ATG4B: variants seen among roughly 807,000 people sequenced by gnomAD.
ATG4B encodes the protein autophagy related 4B cysteine peptidase, also known as cysteine protease ATG4B.
ATG4B carries 29 observed loss-of-function variants against 56.6 expected under a neutral mutation model. The observed-to-expected ratio is 0.51, with a 90% CI of 0.38 to 0.70. The LOEUF is 0.70. Ranked by LOEUF, ATG4B falls within the 30% of genes least tolerant of loss-of-function variation. The pLI is 0.00. For missense variants in ATG4B, 461 were observed against 515.5 expected, an observed-to-expected ratio of 0.89 and a Z score of 1.02; for synonymous variants, 224 against 206.1, an observed-to-expected ratio of 1.09 and a Z score of -0.74.
chr2:241,658,158 T>A (rs1575075820), intron 6 of ATG4B, among the ~76,000 whole-genome samples: 1 of 152,206 alleles, frequency 6.6e-6, no homozygotes, highest in African/African-American at 2.4e-5. Context: ...TTGCCAGTGC[T>A]GCTGTGTCCC....
chr2:241,643,521 A>G (rs1237419509), intron 1 of ATG4B, among the ~76,000 whole-genome samples: 1 of 148,482 alleles, frequency 6.7e-6, no homozygotes, highest in Non-Finnish European at 1.5e-5. Context: ...ATGTCATCTT[A>G]TTTCAAATTA....
At position 241,668,640 on chromosome 2, in the gene ATG4B, G is replaced by A. The variant is rs781726522; in HGVS notation, c.912G>A (p.Pro304=). The A allele has an allele frequency of 2.6e-5, 41 of 1,583,770 alleles. No individual in the cohort carries two copies. The East Asian group carries it at 8.4e-4, about 32-fold the overall frequency. Residue 304 remains proline (P), a synonymous_variant, in exon 10 of 13, where the codon CCG becomes CCA. Coordinates refer to ENST00000404914, the MANE Select transcript of ATG4B (RefSeq NM_013325.5). The surrounding 1 kb of genome is among the most constrained non-coding windows in gnomAD (Gnocchi z 4.2). ...IPDESFHCQH[P]PCRMSIAELD... ...ACGAGAGCTTCCACTGCCAGCACCC[G>A]CCGTGCCGCATGAGCATCGCGGAGC... is the stretch of plus-strand genomic sequence containing the variant.
rs1252866533 is a variant in ATG4B, at chr2:241,672,304, G to T, written c.*40G>T. On this transcript the variant is annotated 3_prime_UTR_variant, in exon 13 of 13. Coordinates refer to ENST00000404914, the MANE Select transcript of ATG4B (RefSeq NM_013325.5). The stretch of plus-strand genomic sequence containing the variant: ...GGGGTGGCACCTGTGAGAGCCTGGG[G>T]CTCCTGGTGCCGCTGCGTTTCATCC... The T allele has an allele frequency of 6.7e-7, 1 of 1,503,144 alleles. No individual in the cohort carries two copies. Among genetic ancestry groups the T allele is most frequent in the East Asian group, 2.4e-5 (1 of 40,958 alleles). 93.1% of individuals were successfully genotyped at this position (1,503,144 alleles called of 1,614,324 possible). A position where few individuals can be genotyped will look rare whatever the true frequency, so the allele number is the denominator to read the frequency against.
chr2:241,671,998 C>G, intron 12 of ATG4B, 193 bp from the exon 13 acceptor site: 1 of 1,420,440 alleles, frequency 7.0e-7, no homozygotes, highest in South Asian at 1.5e-5. Context: ...CCCTGCCCTG[C>G]TCCTCTTCTC....
chr2:241,666,542 T>C, intron 7 of ATG4B, 103 bp from the exon 8 acceptor site: 1 of 1,245,540 alleles, frequency 8.0e-7, no homozygotes, highest in South Asian at 1.3e-5. Flanking sequence ...CACCTGGCTT[T>C]GTACCGCCCT....
chr2:241,671,852 T>C, intron 12 of ATG4B: 4 of 1,289,946 alleles, frequency 3.1e-6, no homozygotes, highest in South Asian at 1.7e-5. Context: ...CGCGTCCTCC[T>C]CATCTCTGTC....
intron 7 of ATG4B, among the ~76,000 whole-genome samples, chr2:241,663,803 A>G (rs1396765410): frequency 6.7e-6 from 1 of 148,564 alleles, no homozygotes; most frequent in Non-Finnish European, 1.5e-5. Flanking sequence ...CAACATAGCC[A>G]GACGTCTATT....
chr2:241,639,932 G>C (rs951291322), intron 1 of ATG4B, among the ~76,000 whole-genome samples: 1 of 152,184 alleles, frequency 6.6e-6, no homozygotes, highest in Non-Finnish European at 1.5e-5. Context: ...TCCGAGACTC[G>C]TCGCTTGGCT....
chr2:241,651,953 C>A lies in ATG4B; in HGVS notation c.184+618C>A. ...ACTGGTTCTCAGCCTTGCCTCTCAC[C>A]GGCGGAGAACTGAGGCCGGAGGTGA... On this transcript the variant is annotated intron_variant, in intron 3 of 12. Coordinates refer to ENST00000404914, the MANE Select transcript of ATG4B (RefSeq NM_013325.5). This position sits in a 1 kb window ranked among gnomAD's most constrained non-coding sequence, Gnocchi z 4.1. 1 of 1,304,082 alleles carries A rather than the reference C, an allele frequency of 7.7e-7. No individual in the cohort carries two copies. The allele number at this position is 1,304,082 out of a possible 1,614,324, so 80.8% of individuals were successfully genotyped here.
intron 7 of ATG4B, among the ~76,000 whole-genome samples, chr2:241,664,061 G>T: frequency 6.6e-6 from 1 of 152,052 alleles, no homozygotes; most frequent in East Asian, 1.9e-4. Context: ...CTCATGATCT[G>T]CCCACCTTGG....
At chr2:241,652,033 C>T (rs1411695673) in intron 3 of ATG4B, 1 of 1,223,926 alleles carries the variant, frequency 8.2e-7, no homozygotes, top group Non-Finnish European at 1.1e-6. Context: ...GGTCCCTCTT[C>T]TAGGGGTGGT....
Position 241,651,416 on chromosome 2 carries a change from C to CA in ATG4B, c.184+83dup, listed in dbSNP as rs2068226750. 2 of 1,048,130 alleles carry CA rather than the reference C, an allele frequency of 1.9e-6. No individual in the cohort carries two copies. The highest frequency in any genetic ancestry group is 2.8e-6 in the Non-Finnish European group (2 of 706,192). 64.9% of individuals were successfully genotyped at this position (1,048,130 alleles called of 1,614,324 possible). ...AAACTTACGCTTGTAGATTTGACTT[C>CA]AATATGCCACTGACTTCATTTGAAT... On this transcript the variant is annotated intron_variant, in intron 3 of 12. Transcript: ENST00000404914. The surrounding 1 kb of genome is among the most constrained non-coding windows in gnomAD (Gnocchi z 4.1).
At chr2:241,649,554 T>C (rs1422977355) in intron 1 of ATG4B, among the ~76,000 whole-genome samples, 1 of 152,208 alleles carries the variant, frequency 6.6e-6, no homozygotes, top group Non-Finnish European at 1.5e-5. Context: ...GAATTGTGTG[T>C]TCCCAGTTCC....
At chr2:241,640,406 C>A (rs141078351) in intron 1 of ATG4B, among the ~76,000 whole-genome samples, 13 of 152,212 alleles carry the variant, frequency 8.5e-5, no homozygotes, top group African/African-American at 2.9e-4. Context: ...CTCCTTTGAT[C>A]TCTAGAGTTC....
Position 241,663,216 on chromosome 2 carries a change from CAGTA to C in ATG4B, c.539-3426_539-3423del, listed in dbSNP as rs554932178. On this transcript the variant is annotated intron_variant, in intron 7 of 12. Transcript: ENST00000404914. ...CCACTGCACTCCAGCCTGTGTGACA[CAGTA>C]AGACTGTGTCTCAAAAAACCAAAAC... 1.1e-4 allele frequency among the ~76,000 whole-genome samples: 16 copies of C among 152,216 alleles called. No homozygotes were observed. In the East Asian group the frequency reaches 2.7e-3, roughly 26 times the overall value.
intron 1 of ATG4B, among the ~76,000 whole-genome samples, chr2:241,646,251 A>G (rs1328677978): frequency 6.6e-6 from 1 of 152,194 alleles, no homozygotes; most frequent in Non-Finnish European, 1.5e-5. Context: ...ACAGCCGCTC[A>G]GGCCTCGTGA....
At position 241,659,166 on chromosome 2, in the gene ATG4B, A is replaced by G. The variant is rs947791039; in HGVS notation, c.517A>G (p.Thr173Ala). 1.2e-6 allele frequency: 2 copies of G among 1,613,792 alleles called. No individual in the cohort carries two copies. The highest frequency in any genetic ancestry group is 1.7e-5 in the Admixed American group (1 of 60,020). Residue 173 changes from threonine (T) to alanine (A), a missense_variant, in exon 7 of 13, where the codon ACT becomes GCT. By Grantham distance (58) the Thr-to-Ala change is moderately conservative. Transcript: ENST00000404914. The stretch of plus-strand genomic sequence containing the variant: ...GGCGGTCCACATTGCAATGGACAAC[A>G]CTGTTGTGATGGAGGAAATCAGTAA... ...SLAVHIAMDN[T>A]VVMEEIRRLC...
At chr2:241,650,342 C>G (rs1381813470) in intron 1 of ATG4B, among the ~76,000 whole-genome samples, 1 of 152,124 alleles carries the variant, frequency 6.6e-6, no homozygotes, top group African/African-American at 2.4e-5. Context: ...GGTTAACTTT[C>G]TACCTGAGAG....
intron 3 of ATG4B, chr2:241,653,280 T>G: frequency 1.3e-6 from 2 of 1,483,874 alleles, no homozygotes; most frequent in Non-Finnish European, 1.8e-6. Context: ...CGTGACTGAC[T>G]TGTTCATGTG....
Sources: allele counts gnomAD v4.1 joint callset (sites outside exome capture counted in the v4.1 genomes callset), GRCh38; gene constraint gnomAD v4.1.1; non-coding constraint Gnocchi (gnomAD v3.1); transcripts MANE v1.5; gene names NCBI Gene and HGNC (gene_info 2026-07-23, HGNC 2026-07-21).